Variants in GOLPH3 observed in about 807,000 individuals in gnomAD.
GOLPH3 encodes golgi phosphoprotein 3.
Under a neutral mutation model 28.5 loss-of-function variants are expected in GOLPH3, and 14 were observed. The ratio of observed to expected loss-of-function variants is 0.49; its 90% confidence interval spans 0.32 to 0.77. GOLPH3 has a LOEUF of 0.77. Among genes scored for constraint, GOLPH3 ranks in the 30% least tolerant of loss-of-function variants. The probability of loss-of-function intolerance (pLI) is 0.03; values close to 1 mark genes in which losing one functional copy is unlikely to be tolerated. For missense variants in GOLPH3, 350 were observed against 393.7 expected, an observed-to-expected ratio of 0.89 and a Z score of 0.94; for synonymous variants, 158 against 159.2, an observed-to-expected ratio of 0.99 and a Z score of 0.06.
intron 1 of GOLPH3, among the ~76,000 whole-genome samples, chr5:32,169,810 G>A (rs966767455): frequency 1.3e-5 from 2 of 152,000 alleles, no homozygotes; most frequent in African/African-American, 4.8e-5. Context: ...CATCCTTACT[G>A]TGGTCTTTAA....
At chr5:32,152,236 C>T (rs1230581245) in intron 1 of GOLPH3, among the ~76,000 whole-genome samples, 3 of 151,732 alleles carry the variant, frequency 2.0e-5, no homozygotes, top group Admixed American at 6.6e-5. Flanking sequence ...AAGTAATTCT[C>T]CTGCCTCAGC....
intron 1 of GOLPH3, among the ~76,000 whole-genome samples, chr5:32,169,991 G>A (rs1746795613): frequency 6.6e-6 from 1 of 150,526 alleles, no homozygotes; most frequent in Admixed American, 6.6e-5. Flanking sequence ...AATGACTTTA[G>A]ACTCACTCCT....
chr5:32,157,624 T>TA (rs1383774195), intron 1 of GOLPH3, among the ~76,000 whole-genome samples: 1 of 152,136 alleles, frequency 6.6e-6, no homozygotes, highest in Non-Finnish European at 1.5e-5. Context: ...ACTGCTGATG[T>TA]AAAAAAATAT....
chr5:32,162,409 A>G lies in GOLPH3; in HGVS notation c.225+11401T>C, dbSNP rs189055016. 1.2e-3 allele frequency among the ~76,000 whole-genome samples: 173 copies of G among 142,104 alleles called. 3 individuals are homozygous for G. Among genetic ancestry groups the G allele is most frequent in the African/African-American group, 4.2e-3 (146 of 34,604 alleles). 93.2% of individuals were successfully genotyped at this position (142,104 alleles called of 152,430 possible). ...CAGGAGGCTGAGGCAGGAGAATGGC[A>G]TGAACCCGGGAGGCGGAGCTTGCGG... On this transcript the variant is annotated intron_variant, in intron 1 of 3. Coordinates refer to ENST00000265070, the MANE Select transcript of GOLPH3 (RefSeq NM_022130.4).
intron 1 of GOLPH3, among the ~76,000 whole-genome samples, chr5:32,157,097 G>A (rs966211640): frequency 2.0e-5 from 3 of 152,158 alleles, no homozygotes; most frequent in African/African-American, 7.2e-5. Flanking sequence ...AACAGCCAGG[G>A]CCCTCAGGGC....
rs1292393331 is a variant in GOLPH3 at position 32,126,179 on chromosome 5, G to C, written c.*33C>G. The C allele has an allele frequency of 6.4e-7, 1 of 1,569,462 alleles. No individual in the cohort carries two copies. The highest frequency in any genetic ancestry group is 8.7e-7 in the Non-Finnish European group (1 of 1,154,764). On this transcript the variant is annotated 3_prime_UTR_variant, in exon 4 of 4. Coordinates refer to ENST00000265070, the MANE Select transcript of GOLPH3 (RefSeq NM_022130.4). Reference sequence around the variant, plus strand: ...CAGAAGAAAAACTACTGGTTTACTTGAGAGAAAGGAGAATGGTTCACCCCG... The same window carrying C: ...CAGAAGAAAAACTACTGGTTTACTTCAGAGAAAGGAGAATGGTTCACCCCG...
chr5:32,167,637 T>C (rs1471645674), intron 1 of GOLPH3, among the ~76,000 whole-genome samples: 4 of 152,036 alleles, frequency 2.6e-5, no homozygotes, highest in African/African-American at 7.2e-5. Flanking sequence ...ATTTCAACAG[T>C]ATAAAATCTT....
intron 1 of GOLPH3, among the ~76,000 whole-genome samples, chr5:32,146,755 CTCA>C (rs1746185871): frequency 6.6e-6 from 1 of 152,022 alleles, no homozygotes; most frequent in African/African-American, 2.4e-5. Context: ...TGGGAAAATG[CTCA>C]TAATATATAT....
intron 1 of GOLPH3, among the ~76,000 whole-genome samples, chr5:32,157,014 T>C (rs767092912): frequency 9.2e-5 from 14 of 152,210 alleles, no homozygotes; most frequent in Non-Finnish European, 1.8e-4. Context: ...CTGGTAGTAA[T>C]CAAGTTATGA....
At chr5:32,140,079 G>T (rs1352297414) in intron 2 of GOLPH3, among the ~76,000 whole-genome samples, 1 of 151,776 alleles carries the variant, frequency 6.6e-6, no homozygotes, top group Admixed American at 6.6e-5. Context: ...CACATTTCTA[G>T]ACTGAAAAAA....
chr5:32,138,704 G>GT (rs1166171948), intron 2 of GOLPH3, among the ~76,000 whole-genome samples: 18 of 152,194 alleles, frequency 1.2e-4, no homozygotes, highest in African/African-American at 4.1e-4. Flanking sequence ...TGTATCCAGT[G>GT]TATGTTTTTA....
At chr5:32,163,567 T>C (rs1346020942) in intron 1 of GOLPH3, among the ~76,000 whole-genome samples, 1 of 152,094 alleles carries the variant, frequency 6.6e-6, no homozygotes, top group Non-Finnish European at 1.5e-5. Flanking sequence ...GACACAAGGA[T>C]TGCTTGAACC....
chr5:32,143,355 T>C (rs181455454), intron 2 of GOLPH3, among the ~76,000 whole-genome samples: 4 of 151,852 alleles, frequency 2.6e-5, no homozygotes, highest in African/African-American at 7.2e-5. Flanking sequence ...CCAGAGACCT[T>C]TGTTCACTTG....
intron 1 of GOLPH3, among the ~76,000 whole-genome samples, chr5:32,158,506 C>T (rs956044706): frequency 5.9e-5 from 9 of 152,072 alleles, no homozygotes; most frequent in South Asian, 2.1e-4. Context: ...AGAGACAGAC[C>T]CGGACCAACC....
At chr5:32,148,201 T>C (rs1398314984) in intron 1 of GOLPH3, among the ~76,000 whole-genome samples, 2 of 152,226 alleles carry the variant, frequency 1.3e-5, no homozygotes, top group African/African-American at 4.8e-5. Context: ...CCACATCTTT[T>C]TCAAGAGGGC....
Position 32,126,466 on chromosome 5 carries a change from T to C in GOLPH3, c.643A>G (p.Lys215Glu). 6.2e-7 allele frequency: 1 copy of C among 1,614,174 alleles called. No homozygotes were observed. The highest frequency in any genetic ancestry group is 8.5e-7 in the Non-Finnish European group (1 of 1,180,022). Residue 215 changes from lysine (K) to glutamate (E), a missense_variant, in exon 4 of 4, where the codon AAG (lysine) becomes GAG (glutamate). Lys to Glu is a moderately conservative substitution (Grantham distance 56). Coordinates refer to ENST00000265070, the MANE Select transcript of GOLPH3 (RefSeq NM_022130.4). Reference protein sequence around the residue: ...TNNNIKQRLIKKVQEAVLDKW... With the variant: ...TNNNIKQRLIEKVQEAVLDKW... ...TCAAGAACGGCTTCCTGTACTTTCT[T>C]GATGAGGCGCTGCTTAATGTTGTTA... is the stretch of plus-strand genomic sequence containing the variant.
At chr5:32,165,500 T>C (rs1581557990) in intron 1 of GOLPH3, among the ~76,000 whole-genome samples, 1 of 152,060 alleles carries the variant, frequency 6.6e-6, no homozygotes, top group Admixed American at 6.5e-5. Context: ...GGAGAATCGC[T>C]TGAACCCAGG....
intron 1 of GOLPH3, among the ~76,000 whole-genome samples, chr5:32,163,370 T>C (rs1746635163): frequency 6.6e-6 from 1 of 152,176 alleles, no homozygotes; most frequent in Non-Finnish European, 1.5e-5. Flanking sequence ...GAATGCTCCT[T>C]AAAAGCAAAA....
intron 1 of GOLPH3, among the ~76,000 whole-genome samples, chr5:32,147,544 T>G (rs1053822431): frequency 6.6e-6 from 1 of 152,120 alleles, no homozygotes; most frequent in Non-Finnish European, 1.5e-5. Flanking sequence ...GTCCCATTTT[T>G]TAGGGAGATT....
Sources: allele counts gnomAD v4.1 joint callset (sites outside exome capture counted in the v4.1 genomes callset), GRCh38; gene constraint gnomAD v4.1.1; transcripts MANE v1.5; gene names NCBI Gene and HGNC (gene_info 2026-07-23, HGNC 2026-07-21).